ARB2A: variants seen among roughly 807,000 people sequenced by gnomAD.
ARB2A encodes the protein cotranscriptional regulator ARB2A.
the ARB2A span, among the ~76,000 whole-genome samples, chr5:93,979,269 TC>T: frequency 6.6e-6 from 1 of 152,140 alleles, no homozygotes; most frequent in Admixed American, 6.5e-5. Context: ...AATGTGTTTA[TC>T]CCCAGTGCAG....
At chr5:93,784,515 A>G in the ARB2A span, 6 of 1,591,370 alleles carry the variant, frequency 3.8e-6, no homozygotes, top group Admixed American at 1.7e-5. Flanking sequence ...TTAAAAAAGG[A>G]AAATAAAATA....
At chr5:93,671,170 A>G in the ARB2A span, among the ~76,000 whole-genome samples, 1 of 152,226 alleles carries the variant, frequency 6.6e-6, no homozygotes, top group Non-Finnish European at 1.5e-5. Context: ...AACTTTCCAG[A>G]ATCTTAAAGA....
chr5:93,960,477 C>T, the ARB2A span, among the ~76,000 whole-genome samples: 2 of 152,166 alleles, frequency 1.3e-5, no homozygotes, highest in African/African-American at 4.8e-5. Flanking sequence ...CCTGCTCCCT[C>T]CACTAGAACG....
the ARB2A span, among the ~76,000 whole-genome samples, chr5:93,633,628 T>C: frequency 0.17 from 26,158 of 152,170 alleles, 2,899 homozygotes; most frequent in African/African-American, 0.3. Flanking sequence ...TATTAGCTTA[T>C]GTGTCTTTAA....
chr5:93,950,401 A>G, the ARB2A span, among the ~76,000 whole-genome samples: 1 of 152,102 alleles, frequency 6.6e-6, no homozygotes, highest in Non-Finnish European at 1.5e-5. Context: ...TTTTAAATAA[A>G]AGTCATTTTG....
chr5:93,799,169 T>C, the ARB2A span, among the ~76,000 whole-genome samples: 2 of 152,130 alleles, frequency 1.3e-5, no homozygotes, highest in African/African-American at 4.8e-5. Flanking sequence ...CTTATGGTCC[T>C]GAAAAGATAA....
the ARB2A span, chr5:94,074,850 G>T: frequency 1.2e-6 from 1 of 863,304 alleles, no homozygotes; most frequent in Non-Finnish European, 1.8e-6. Context: ...CTCCCAGTCA[G>T]GATTAATCTC....
the ARB2A span, among the ~76,000 whole-genome samples, chr5:93,830,716 A>G: frequency 6.6e-6 from 1 of 152,120 alleles, no homozygotes; most frequent in African/African-American, 2.4e-5. Flanking sequence ...CTAGTCCAGC[A>G]GTCCCCAACC....
chr5:93,757,087 A>G, the ARB2A span, among the ~76,000 whole-genome samples: 2 of 152,216 alleles, frequency 1.3e-5, no homozygotes, highest in Admixed American at 6.5e-5. Flanking sequence ...AATGCTCTGG[A>G]AAGTCTCAGC....
At chr5:94,027,815 C>A in the ARB2A span, among the ~76,000 whole-genome samples, 1 of 152,122 alleles carries the variant, frequency 6.6e-6, no homozygotes, top group Non-Finnish European at 1.5e-5. Flanking sequence ...GGACCTGAAA[C>A]TTGGGGTTGG....
the ARB2A span, among the ~76,000 whole-genome samples, chr5:93,889,940 T>C: frequency 6.6e-6 from 1 of 151,956 alleles, no homozygotes; most frequent in Non-Finnish European, 1.5e-5. Flanking sequence ...AGTTATAGTA[T>C]GAGACAGTCA....
chr5:93,972,740 T>C, the ARB2A span, among the ~76,000 whole-genome samples: 1 of 152,060 alleles, frequency 6.6e-6, no homozygotes, highest in Non-Finnish European at 1.5e-5. Flanking sequence ...ACATAGCTGC[T>C]ATATTAAGAA....
chr5:93,620,973 C>A, the ARB2A span: 1 of 1,600,462 alleles, frequency 6.2e-7, no homozygotes, highest in Non-Finnish European at 8.5e-7. Context: ...CCTCCCCCGT[C>A]GCGCTCGCTC....
chr5:93,803,144 A>C, the ARB2A span, among the ~76,000 whole-genome samples: 2 of 152,090 alleles, frequency 1.3e-5, no homozygotes, highest in Admixed American at 6.6e-5. Context: ...TTGTGTGCCT[A>C]TCCACGAGGA....
chr5:93,754,686 C>T, the ARB2A span, among the ~76,000 whole-genome samples: 1 of 152,176 alleles, frequency 6.6e-6, no homozygotes, highest in African/African-American at 2.4e-5. Flanking sequence ...CAGAATGCCC[C>T]CTCATACACA....
At chr5:93,700,751 T>C in the ARB2A span, among the ~76,000 whole-genome samples, 6 of 152,126 alleles carry the variant, frequency 3.9e-5, no homozygotes, top group Non-Finnish European at 7.4e-5. Context: ...AACGTTTCCA[T>C]ATTATGTAAA....
chr5:94,075,815 T>C, the ARB2A span, among the ~76,000 whole-genome samples: 1 of 152,174 alleles, frequency 6.6e-6, no homozygotes, highest in Non-Finnish European at 1.5e-5. Context: ...AAACTATGAA[T>C]GTTCCAAATG....
chr5:93,673,391 T>C, the ARB2A span, among the ~76,000 whole-genome samples: 4 of 151,954 alleles, frequency 2.6e-5, no homozygotes, highest in Non-Finnish European at 1.5e-5. Flanking sequence ...CTTTTTTTTT[T>C]CTCTCTCTTT....
At chr5:93,650,773 G>T in the ARB2A span, among the ~76,000 whole-genome samples, 86 of 151,434 alleles carry the variant, frequency 5.7e-4, no homozygotes, top group African/African-American at 1.9e-3. Flanking sequence ...AGGATTCCTT[G>T]AGCTCAGGAG....
Sources: allele counts gnomAD v4.1 joint callset (sites outside exome capture counted in the v4.1 genomes callset), GRCh38; gene constraint gnomAD v4.1.1; transcripts MANE v1.5; gene names NCBI Gene and HGNC (gene_info 2026-07-23, HGNC 2026-07-21).